The following SCLT1 variants were observed in gnomAD, a reference collection of about 807,000 sequenced individuals.
The protein encoded by SCLT1 is sodium channel and clathrin linker 1, also known as sodium channel-associated protein 1.
A neutral mutation model predicts 112.8 loss-of-function variants in SCLT1; 78 were observed. That is an observed-to-expected ratio of 0.69 (90% CI 0.58 to 0.83). SCLT1 has a LOEUF of 0.83. SCLT1 is among the 40% of genes least tolerant of loss of function. The pLI, the probability that SCLT1 is intolerant of heterozygous loss-of-function variation, is 0.00. For missense variants in SCLT1, 747 were observed against 770.4 expected, an observed-to-expected ratio of 0.97 and a Z score of 0.36; for synonymous variants, 257 against 254.7, an observed-to-expected ratio of 1.01 and a Z score of -0.09.
intron 2 of SCLT1, among the ~76,000 whole-genome samples, chr4:129,068,482 G>T (rs373462229): frequency 9.9e-5 from 15 of 152,076 alleles, no homozygotes; most frequent in East Asian, 3.8e-4. Flanking sequence ...GTAATGTTGA[G>T]CACTTTTTCA....
rs555495730 is a variant in SCLT1, at chr4:128,926,363, T to C, written c.1829+10292A>G. Among the ~76,000 whole-genome samples the C allele has an allele frequency of 2.0e-3, 311 of 152,304 alleles. 3 individuals carry two copies. The highest frequency in any genetic ancestry group is 7.1e-3 in the African/African-American group (295 of 41,562). ...CGACTGGAACTCTCATGTCTCTTATTACTGCATAAACTCTTGATGTTTTGT... is the reference window on the plus strand; with the variant it reads ...CGACTGGAACTCTCATGTCTCTTATCACTGCATAAACTCTTGATGTTTTGT... On this transcript the variant is annotated intron_variant, in intron 18 of 20. Coordinates refer to ENST00000281142, the MANE Select transcript of SCLT1 (RefSeq NM_144643.4).
At chr4:128,875,984 CT>C (rs1265615645) in intron 4 of SCLT1, among the ~76,000 whole-genome samples, 1 of 152,166 alleles carries the variant, frequency 6.6e-6, no homozygotes, top group African/African-American at 2.4e-5. Flanking sequence ...ACTGGCAGAA[CT>C]GGGCCTACAC....
At chr4:128,933,989 T>C (rs1223580166) in intron 18 of SCLT1, among the ~76,000 whole-genome samples, 2 of 152,054 alleles carry the variant, frequency 1.3e-5, no homozygotes, top group African/African-American at 4.8e-5. Context: ...ATAATTCATC[T>C]ATGTAGTTAA....
chr4:128,897,849 C>G (rs966384131), intron 18 of SCLT1, among the ~76,000 whole-genome samples: 4 of 150,992 alleles, frequency 2.6e-5, no homozygotes, highest in Non-Finnish European at 4.5e-5. Flanking sequence ...AAATGGAAAA[C>G]ACAAAAAGGC....
At chr4:129,073,325 T>C (rs1313353709) in intron 2 of SCLT1, among the ~76,000 whole-genome samples, 1 of 152,188 alleles carries the variant, frequency 6.6e-6, no homozygotes, top group African/African-American at 2.4e-5. Flanking sequence ...ACTCTGTCCA[T>C]TGTATTTAAC....
In SCLT1 at chr4:129,039,062, T is replaced by C; in HGVS notation, c.269A>G (p.Asn90Ser). The C allele has an allele frequency of 1.3e-6, 2 of 1,589,244 alleles. No individual in the cohort carries two copies. Among genetic ancestry groups the C allele is most frequent in the South Asian group, 2.2e-5 (2 of 90,402 alleles). The change falls in exon 5 of 21, where the codon AAT (asparagine) becomes AGT (serine). Residue 90 changes from asparagine to serine, a missense_variant. Physicochemically the swap from Asn to Ser is conservative, Grantham distance 46. This residue lies in a region of SCLT1 where 723 missense variants were observed against 721.3 expected (regional missense o/e 1.00). Transcript: ENST00000281142. ...QVGEMKLQLE[N>S]VIKENERLHS... ...TTACCTTTCATTTTCCTTGATGACATTTTCAAGTTGTAATTTCATCTCACC... is the reference window on the plus strand; with the variant it reads ...TTACCTTTCATTTTCCTTGATGACACTTTCAAGTTGTAATTTCATCTCACC...
intron 5 of SCLT1, among the ~76,000 whole-genome samples, chr4:129,025,320 A>T (rs1299584106): frequency 6.6e-6 from 1 of 152,252 alleles, no homozygotes; most frequent in Admixed American, 6.5e-5. Flanking sequence ...TTACCCACAA[A>T]GGGAAGCCCA....
chr4:129,064,062 G>C (rs1192091004), intron 2 of SCLT1, among the ~76,000 whole-genome samples: 2 of 152,096 alleles, frequency 1.3e-5, no homozygotes, highest in Admixed American at 1.3e-4. Flanking sequence ...TCCTAGAAAG[G>C]GTGGTTGTCA....
intron 1 of SCLT1, among the ~76,000 whole-genome samples, chr4:129,087,494 A>T (rs1752493765): frequency 2.0e-5 from 3 of 152,140 alleles, no homozygotes; most frequent in South Asian, 4.2e-4. Context: ...GGAAAAAAAA[A>T]AAGGCACTTT....
At chr4:128,939,406 C>T (rs1032996628) in intron 17 of SCLT1, among the ~76,000 whole-genome samples, 1 of 152,182 alleles carries the variant, frequency 6.6e-6, no homozygotes, top group Non-Finnish European at 1.5e-5. Flanking sequence ...ATTCGAATTA[C>T]TACCTAAATT....
rs1468100961 is a variant in SCLT1, at chr4:129,043,562, TTA to T, written c.162-97_162-96del. ...TAAATTACACATAAAAATTTTATGT[TTA>T]GTTTACTCATGCAATAAAAACTTTT... On this transcript the variant is annotated intron_variant, in intron 3 of 20. Coordinates refer to ENST00000281142, the MANE Select transcript of SCLT1 (RefSeq NM_144643.4). 3 of 605,746 alleles carry T rather than the reference TTA, an allele frequency of 5.0e-6. No homozygotes were observed. In the African/African-American group the frequency reaches 5.8e-5, roughly 12 times the overall value. 37.5% of individuals were successfully genotyped at this position (605,746 alleles called of 1,614,324 possible).
chr4:128,958,791 C>G (rs1325231335), intron 12 of SCLT1, among the ~76,000 whole-genome samples: 2 of 152,106 alleles, frequency 1.3e-5, no homozygotes, highest in African/African-American at 4.8e-5. Context: ...ACCTTAGCAT[C>G]CCCACAGTTA....
intron 15 of SCLT1, 108 bp from the exon 16 acceptor site, chr4:128,946,260 C>T: frequency 4.6e-6 from 3 of 647,676 alleles, no homozygotes; most frequent in Non-Finnish European, 7.6e-6. Context: ...ATTATGTGTT[C>T]ATTTGTTCTG....
At chr4:128,903,936 A>C (rs1196283189) in intron 18 of SCLT1, among the ~76,000 whole-genome samples, 1 of 152,222 alleles carries the variant, frequency 6.6e-6, no homozygotes, top group Non-Finnish European at 1.5e-5. Flanking sequence ...GACTTTCCAG[A>C]AAGTTTCACA....
intron 18 of SCLT1, among the ~76,000 whole-genome samples, chr4:128,908,090 T>C (rs318533): frequency 0.73 from 110,537 of 151,970 alleles, 40,520 homozygotes; most frequent in African/African-American, 0.82. Flanking sequence ...ATTCCTTCAA[T>C]GCATGAAATG....
intron 18 of SCLT1, among the ~76,000 whole-genome samples, chr4:128,925,625 A>G (rs1736235155): frequency 6.6e-6 from 1 of 152,188 alleles, no homozygotes; most frequent in South Asian, 2.1e-4. Context: ...TGTCTGGCCC[A>G]TTATTTCTTA....
intron 18 of SCLT1, among the ~76,000 whole-genome samples, chr4:128,930,031 T>C (rs1016346280): frequency 6.6e-6 from 1 of 152,202 alleles, no homozygotes; most frequent in Non-Finnish European, 1.5e-5. Context: ...TTATAAAATA[T>C]GTCCAGAAAT....
At chr4:129,017,323 C>T (rs1288103752) in intron 5 of SCLT1, among the ~76,000 whole-genome samples, 1 of 151,964 alleles carries the variant, frequency 6.6e-6, no homozygotes, top group Non-Finnish European at 1.5e-5. Context: ...TGTGTATAAA[C>T]AGAAATGTAC....
At chr4:128,989,137 A>T (rs1351064492) in intron 9 of SCLT1, among the ~76,000 whole-genome samples, 1 of 151,908 alleles carries the variant, frequency 6.6e-6, no homozygotes, top group African/African-American at 2.4e-5. Flanking sequence ...GACCTAATAA[A>T]CATTTACAGA....
Sources: gnomAD v4.1 joint callset for allele counts (sites outside exome capture counted in the v4.1 genomes callset) on GRCh38, gnomAD v4.1.1 for gene constraint, gnomAD v4.1.1 regional missense constraint, MANE v1.5 for transcripts, NCBI Gene and HGNC (gene_info 2026-07-23, HGNC 2026-07-21) for gene names.